The following APIP variants were observed in gnomAD, a reference collection of about 807,000 sequenced individuals.
APIP encodes the protein APAF1 interacting protein, also known as methylthioribulose-1-phosphate dehydratase.
In APIP, 32 loss-of-function variants were observed where a neutral mutation model predicts 32.0. That is an observed-to-expected ratio of 1.00 (90% CI 0.76 to 1.34). The LOEUF is 1.34. Among genes scored for constraint, APIP ranks in the 40% most tolerant of loss-of-function variants. The probability of loss-of-function intolerance (pLI) is 0.00; values close to 1 mark genes in which losing one functional copy is unlikely to be tolerated. For missense variants in APIP, 247 were observed against 298.6 expected (o/e 0.83, Z 1.27); for synonymous variants, 92 against 94.8 (o/e 0.97, Z 0.17).
chr11:34,882,910 G>T, intron 6 of APIP, 94 bp from the exon 7 acceptor site: 1 of 869,852 alleles, frequency 1.1e-6, no homozygotes, highest in Non-Finnish European at 1.8e-6. Flanking sequence ...AGTTAACTCT[G>T]CTTTGTTCCT....
intron 1 of APIP, 75 bp downstream of exon 1, chr11:34,916,153 G>C: frequency 6.5e-7 from 1 of 1,550,174 alleles, no homozygotes; most frequent in Non-Finnish European, 8.7e-7. Context: ...GCTACCCTGC[G>C]CCCAGCTCCA....
intron 1 of APIP, among the ~76,000 whole-genome samples, chr11:34,901,056 T>G (rs2915216): frequency 2.0e-5 from 3 of 151,832 alleles, no homozygotes; most frequent in African/African-American, 7.3e-5. Context: ...TAGGGCCAGA[T>G]AGTACCCTAG....
At chr11:34,897,686 A>G (rs1030728844) in intron 1 of APIP, among the ~76,000 whole-genome samples, 30 of 152,276 alleles carry the variant, frequency 2.0e-4, no homozygotes, top group African/African-American at 6.0e-4. Context: ...AACCGGGTCC[A>G]TCCAATATGG....
At chr11:34,915,001 C>CAAAAAAAAAAAAAAAAAAAA (rs33914497) in intron 1 of APIP, among the ~76,000 whole-genome samples, 1 of 76,384 alleles carries the variant, frequency 1.3e-5, no homozygotes, top group Non-Finnish European at 2.6e-5. Context: ...CAAAACGTGT[C>CAAAAAAAAAAAAAAAAAAAA]AAAAAAAAAA....
chr11:34,907,317 C>G (rs1210839969), intron 1 of APIP, among the ~76,000 whole-genome samples: 1 of 152,136 alleles, frequency 6.6e-6, no homozygotes, highest in Non-Finnish European at 1.5e-5. Context: ...AGTCTTCCAA[C>G]CCTTAAAACC....
At chr11:34,892,297 T>C (rs543419198) in intron 2 of APIP, among the ~76,000 whole-genome samples, 2 of 152,294 alleles carry the variant, frequency 1.3e-5, no homozygotes, top group African/African-American at 2.4e-5. Context: ...AGAAAGCATT[T>C]TGAATTTCAA....
chr11:34,896,528 C>G (rs1038602457), intron 1 of APIP, among the ~76,000 whole-genome samples: 3 of 152,086 alleles, frequency 2.0e-5, no homozygotes, highest in African/African-American at 7.2e-5. Flanking sequence ...ACAATGAGAA[C>G]ACATGGACAC....
intron 1 of APIP, among the ~76,000 whole-genome samples, chr11:34,896,404 G>T (rs1001957595): frequency 6.6e-6 from 1 of 152,166 alleles, no homozygotes; most frequent in Admixed American, 6.5e-5. Flanking sequence ...AAAAAAGGAT[G>T]AGCTCACGTC....
In APIP at chr11:34,888,308, G is replaced by A. The variant is rs762556215; in HGVS notation, c.446C>T (p.Ser149Phe). ...EMIKGIKKCT[S>F]GGYYRYDDML... Reference sequence around the variant, plus strand: ...AAAAAAATACCTATAATACCCTCCGGAAGTACATTTCTTTATTCCTTTTAT... The same window carrying A: ...AAAAAAATACCTATAATACCCTCCGAAAGTACATTTCTTTATTCCTTTTAT... The change falls in exon 5 of 7, where the codon TCC becomes TTC. Residue 149 changes from serine to phenylalanine, a missense_variant. Ser to Phe is a radical substitution (Grantham distance 155, BLOSUM62 -2). Coordinates refer to ENST00000395787, the MANE Select transcript of APIP (RefSeq NM_015957.4). The A allele has an allele frequency of 1.3e-6, 2 of 1,596,214 alleles. No individual in the cohort carries two copies.
At chr11:34,909,657 CA>C (rs1430480735) in intron 1 of APIP, among the ~76,000 whole-genome samples, 1 of 152,038 alleles carries the variant, frequency 6.6e-6, no homozygotes, top group Non-Finnish European at 1.5e-5. Context: ...TTGGCTAGAG[CA>C]GAGTGAGGAA....
intron 5 of APIP, among the ~76,000 whole-genome samples, chr11:34,887,354 G>A (rs1029271939): frequency 2.4e-4 from 36 of 152,112 alleles, no homozygotes; most frequent in African/African-American, 7.7e-4. Context: ...CCCCAGATAT[G>A]GAAGAGGCAA....
intron 5 of APIP, among the ~76,000 whole-genome samples, chr11:34,885,498 C>T (rs1853052072): frequency 6.6e-6 from 1 of 151,956 alleles, no homozygotes; most frequent in Admixed American, 6.6e-5. Flanking sequence ...GGGCACCTTG[C>T]CTCTAGTGGA....
intron 3 of APIP, 69 bp from the exon 4 acceptor site, chr11:34,888,938 T>TAGGCCGGGCGCGGTGGCTCACGCC: frequency 1.1e-6 from 1 of 917,010 alleles, no homozygotes; most frequent in Non-Finnish European, 1.6e-6. Flanking sequence ...GTTCCTTTTC[T>TAGGCCGGGCGCGGTGGCTCACGCC]TGTGTACATA....
intron 2 of APIP, among the ~76,000 whole-genome samples, chr11:34,893,897 T>C (rs1853222029): frequency 1.3e-5 from 2 of 152,214 alleles, no homozygotes; most frequent in Non-Finnish European, 2.9e-5. Context: ...ACTATATATA[T>C]TCAACAGCAC....
chr11:34,913,753 C>T (rs1329147650), intron 1 of APIP, among the ~76,000 whole-genome samples: 1 of 152,192 alleles, frequency 6.6e-6, no homozygotes, highest in East Asian at 1.9e-4. Flanking sequence ...CCACATCCTG[C>T]TGATTGGTCC....
chr11:34,909,269 C>G (rs1234977836), intron 1 of APIP, among the ~76,000 whole-genome samples: 2 of 152,094 alleles, frequency 1.3e-5, no homozygotes, highest in Non-Finnish European at 2.9e-5. Context: ...GAACACTCTT[C>G]TAGGCCCTGG....
intron 1 of APIP, among the ~76,000 whole-genome samples, chr11:34,911,849 CTT>C (rs1304846115): frequency 2.6e-5 from 4 of 152,092 alleles, no homozygotes; most frequent in African/African-American, 9.7e-5. Context: ...TTGCAAAATA[CTT>C]TGTCATCCCC....
At chr11:34,896,577 T>C (rs1308753886) in intron 1 of APIP, among the ~76,000 whole-genome samples, 1 of 151,818 alleles carries the variant, frequency 6.6e-6, no homozygotes, top group Non-Finnish European at 1.5e-5. Context: ...TGTCAGCAGA[T>C]GGGGGGCTAG....
intron 1 of APIP, among the ~76,000 whole-genome samples, chr11:34,913,670 C>G (rs1036568335): frequency 6.6e-6 from 1 of 152,182 alleles, no homozygotes; most frequent in Non-Finnish European, 1.5e-5. Context: ...GCTTCCACAG[C>G]CTGGAAGGTG....
Sources: gnomAD v4.1 joint callset for allele counts (sites outside exome capture counted in the v4.1 genomes callset) on GRCh38, gnomAD v4.1.1 for gene constraint, MANE v1.5 for transcripts, NCBI Gene and HGNC (gene_info 2026-07-23, HGNC 2026-07-21) for gene names.